GABRB1: variants seen among roughly 807,000 people sequenced by gnomAD.
GABRB1 encodes gamma-aminobutyric acid type A receptor subunit beta1, also known as gamma-aminobutyric acid receptor subunit beta-1.
A neutral mutation model predicts 51.6 loss-of-function variants in GABRB1; 17 were observed. That is an observed-to-expected ratio of 0.33 (90% CI 0.23 to 0.49). The LOEUF is 0.49. GABRB1 is among the 20% of genes least tolerant of loss of function. The pLI is 0.99. For synonymous variants in GABRB1, 247 were observed against 218.9 expected (o/e 1.13, Z -1.14); for missense variants, 410 against 600.6 (o/e 0.68, Z 3.32).
chr4:47,424,038 G>A (rs1025984055), intron 8 of GABRB1, among the ~76,000 whole-genome samples: 2 of 152,156 alleles, frequency 1.3e-5, no homozygotes, highest in African/African-American at 4.8e-5. Context: ...TTAGACTGAA[G>A]CAAAATGCTT....
At chr4:47,270,720 C>T (rs1410488893) in intron 4 of GABRB1, among the ~76,000 whole-genome samples, 1 of 151,816 alleles carries the variant, frequency 6.6e-6, no homozygotes, top group Non-Finnish European at 1.5e-5. Flanking sequence ...GTACTCTTGT[C>T]TTCAAAAATA....
chr4:47,283,114 A>G (rs1578061350), intron 4 of GABRB1, among the ~76,000 whole-genome samples: 1 of 152,138 alleles, frequency 6.6e-6, no homozygotes, highest in East Asian at 1.9e-4. Context: ...TAACACCCTG[A>G]ACATGTTTAG....
intron 5 of GABRB1, among the ~76,000 whole-genome samples, chr4:47,399,356 C>G (rs1728302392): frequency 6.6e-6 from 1 of 152,058 alleles, no homozygotes; most frequent in South Asian, 2.1e-4. Context: ...TAGAAATTTT[C>G]ATTCTTAGCC....
chr4:47,266,261 A>G (rs1304588853), intron 4 of GABRB1, among the ~76,000 whole-genome samples: 1 of 152,098 alleles, frequency 6.6e-6, no homozygotes. Context: ...CTGTAGCATT[A>G]CTTCTGGGTT....
chr4:47,245,954 G>A (rs1488554361), intron 4 of GABRB1, among the ~76,000 whole-genome samples: 1 of 149,742 alleles, frequency 6.7e-6, no homozygotes, highest in Non-Finnish European at 1.5e-5. Flanking sequence ...GGAACAGGTG[G>A]TATCTGATTA....
chr4:47,212,919 G>T (rs1282136362), intron 4 of GABRB1, among the ~76,000 whole-genome samples: 2 of 152,092 alleles, frequency 1.3e-5, no homozygotes, highest in Non-Finnish European at 2.9e-5. Context: ...AGAGGTCAAG[G>T]ATAAAACAAA....
intron 4 of GABRB1, among the ~76,000 whole-genome samples, chr4:47,270,844 A>C (rs1364208656): frequency 6.6e-6 from 1 of 152,150 alleles, no homozygotes; most frequent in Non-Finnish European, 1.5e-5. Flanking sequence ...AAGAACTTCA[A>C]ATGGTTTGTT....
intron 5 of GABRB1, among the ~76,000 whole-genome samples, chr4:47,321,769 A>G (rs1725094912): frequency 1.1e-5 from 1 of 92,426 alleles, no homozygotes; most frequent in Non-Finnish European, 2.2e-5. Context: ...TCTTCCATTG[A>G]CTTTGTGATT....
chr4:47,221,436 C>T (rs1720762229), intron 4 of GABRB1, among the ~76,000 whole-genome samples: 1 of 152,028 alleles, frequency 6.6e-6, no homozygotes, highest in Admixed American at 6.6e-5. Flanking sequence ...GGAATTGTTA[C>T]TGAACTAATT....
At chr4:47,254,312 T>C (rs945283923) in intron 4 of GABRB1, among the ~76,000 whole-genome samples, 1 of 150,884 alleles carries the variant, frequency 6.6e-6, no homozygotes, top group Non-Finnish European at 1.5e-5. Flanking sequence ...TAGAACATGG[T>C]ATTTTTCTCT....
intron 4 of GABRB1, among the ~76,000 whole-genome samples, chr4:47,166,294 C>T (rs1718185150): frequency 6.6e-6 from 1 of 151,760 alleles, no homozygotes; most frequent in Admixed American, 6.6e-5. Context: ...ACTGAATGTG[C>T]CTGCCTCTCC....
At position 47,113,386 on chromosome 4, in the gene GABRB1, C is replaced by CAA. The variant is rs760542350; in HGVS notation, c.241-47846_241-47845dup. On this transcript the variant is annotated intron_variant, in intron 3 of 8. Transcript: ENST00000295454. ...GGGTGACAGAGTGAGACTTCGTCTC[C>CAA]AAAAAAAAAAAAAAAAAATCATTTA... Among the ~76,000 whole-genome samples the CAA allele has an allele frequency of 7.2e-3, 773 of 106,840 alleles. 12 individuals carry two copies. Among genetic ancestry groups the CAA allele is most frequent in the Middle Eastern group, 0.012 (2 of 164 alleles). The allele number at this position is 106,840 out of a possible 152,430, so 70.1% of individuals were successfully genotyped here. A position where few individuals can be genotyped will look rare whatever the true frequency, so the allele number is the denominator to read the frequency against.
At chr4:47,044,367 C>A (rs186045883) in intron 3 of GABRB1, among the ~76,000 whole-genome samples, 1 of 152,102 alleles carries the variant, frequency 6.6e-6, no homozygotes, top group East Asian at 1.9e-4. Flanking sequence ...TCTTGAAGTA[C>A]CTTTCCCTTG....
intron 3 of GABRB1, among the ~76,000 whole-genome samples, chr4:47,111,560 T>C (rs1448285132): frequency 6.6e-6 from 1 of 152,008 alleles, no homozygotes; most frequent in Non-Finnish European, 1.5e-5. Context: ...CAAAAATACA[T>C]CCTTATTAGA....
chr4:47,067,189 G>A (rs1337785511), intron 3 of GABRB1, among the ~76,000 whole-genome samples: 3 of 152,178 alleles, frequency 2.0e-5, no homozygotes, highest in Non-Finnish European at 4.4e-5. Context: ...AAACTGTGCT[G>A]CAAACAGACA....
chr4:47,350,642 A>T (rs1351057764), intron 5 of GABRB1, among the ~76,000 whole-genome samples: 3 of 152,160 alleles, frequency 2.0e-5, no homozygotes, highest in Admixed American at 2.0e-4. Flanking sequence ...ACAAAAATTG[A>T]CACTTGAAAT....
At chr4:47,285,400 A>G (rs1039728000) in intron 4 of GABRB1, among the ~76,000 whole-genome samples, 1 of 152,226 alleles carries the variant, frequency 6.6e-6, no homozygotes, top group African/African-American at 2.4e-5. Context: ...CCTGACATTC[A>G]CTAAATGGTT....
chr4:47,390,161 C>T (rs1330942638), intron 5 of GABRB1, among the ~76,000 whole-genome samples: 3 of 152,232 alleles, frequency 2.0e-5, no homozygotes, highest in Non-Finnish European at 4.4e-5. Flanking sequence ...TGCCAAGCAA[C>T]TAATTTGGCC....
At chr4:47,083,527 G>A (rs896995780) in intron 3 of GABRB1, among the ~76,000 whole-genome samples, 25 of 152,100 alleles carry the variant, frequency 1.6e-4, no homozygotes, top group African/African-American at 6.0e-4. Flanking sequence ...GCTAGTGAAT[G>A]TGCATCAAAA....
Sources: allele counts gnomAD v4.1 joint callset (sites outside exome capture counted in the v4.1 genomes callset), GRCh38; gene constraint gnomAD v4.1.1; transcripts MANE v1.5; gene names NCBI Gene and HGNC (gene_info 2026-07-23, HGNC 2026-07-21).